PLCL1: variants seen among roughly 807,000 people sequenced by gnomAD.
PLCL1 encodes inactive phospholipase C-like protein 1.
A neutral mutation model predicts 84.4 loss-of-function variants in PLCL1; 41 were observed. The ratio of observed to expected loss-of-function variants is 0.49; its 90% CI spans 0.38 to 0.63. PLCL1 has a LOEUF of 0.63. Among genes scored for constraint, PLCL1 ranks in the 30% least tolerant of loss-of-function variants. The pLI is 0.00. For synonymous variants in PLCL1, 490 were observed against 488.3 expected (o/e 1.00, Z -0.05); for missense variants, 1,206 against 1,367.8 (o/e 0.88, Z 1.87).
intron 1 of PLCL1, among the ~76,000 whole-genome samples, chr2:197,929,864 TAGAG>T (rs1378476588): frequency 1.3e-5 from 2 of 152,184 alleles, no homozygotes; most frequent in Non-Finnish European, 2.9e-5. Flanking sequence ...TATAGAATAA[TAGAG>T]AGAAAAAGAA....
intron 1 of PLCL1, among the ~76,000 whole-genome samples, chr2:197,881,629 G>A (rs547250867): frequency 6.6e-6 from 1 of 152,170 alleles, no homozygotes; most frequent in South Asian, 2.1e-4. Flanking sequence ...TGCTAAGATT[G>A]GGATTTATAA....
chr2:198,122,374 T>C (rs954314620), intron 5 of PLCL1, among the ~76,000 whole-genome samples: 6 of 152,124 alleles, frequency 3.9e-5, no homozygotes, highest in African/African-American at 1.4e-4. Flanking sequence ...TTTCTTAAAA[T>C]CTGGGTAACT....
intron 1 of PLCL1, among the ~76,000 whole-genome samples, chr2:197,814,414 C>T (rs866479460): frequency 1.3e-5 from 2 of 152,046 alleles, no homozygotes; most frequent in Non-Finnish European, 2.9e-5. Flanking sequence ...TATAATACAG[C>T]GAACTTAATT....
chr2:197,829,233 A>T (rs1248568089), intron 1 of PLCL1, among the ~76,000 whole-genome samples: 1 of 152,228 alleles, frequency 6.6e-6, no homozygotes, highest in Non-Finnish European at 1.5e-5. Flanking sequence ...GTAAAGAAAC[A>T]GATTTTTCTA....
At chr2:197,873,573 A>G (rs577844966) in intron 1 of PLCL1, among the ~76,000 whole-genome samples, 2 of 152,292 alleles carry the variant, frequency 1.3e-5, no homozygotes, top group East Asian at 3.9e-4. Context: ...GCACATGCAA[A>G]TAACAGAACC....
intron 1 of PLCL1, among the ~76,000 whole-genome samples, chr2:197,818,390 C>T (rs1347996067): frequency 1.3e-5 from 2 of 152,074 alleles, no homozygotes; most frequent in East Asian, 3.9e-4. Flanking sequence ...AAGGGAATGA[C>T]TGGAAGGGAC....
intron 1 of PLCL1, among the ~76,000 whole-genome samples, chr2:198,069,623 T>A (rs1574287946): frequency 6.6e-6 from 1 of 152,348 alleles, no homozygotes; most frequent in East Asian, 1.9e-4. Context: ...ATTCTGCAGA[T>A]ATTCTCAGGA....
intron 1 of PLCL1, among the ~76,000 whole-genome samples, chr2:198,006,373 G>A (rs114109694): frequency 5.6e-4 from 85 of 152,154 alleles, no homozygotes; most frequent in African/African-American, 2.0e-3. Context: ...GCTAGATTTG[G>A]TAAATGGAAA....
chr2:197,865,113 A>AG (rs1687504540), intron 1 of PLCL1, among the ~76,000 whole-genome samples: 2 of 152,176 alleles, frequency 1.3e-5, no homozygotes, highest in African/African-American at 4.8e-5. Flanking sequence ...GAAGAATCTA[A>AG]GGTACAGCAA....
At chr2:198,097,268 GA>G (rs1693223723) in intron 3 of PLCL1, among the ~76,000 whole-genome samples, 1 of 152,176 alleles carries the variant, frequency 6.6e-6, no homozygotes, top group African/African-American at 2.4e-5. Context: ...TGTGTAAGGG[GA>G]AAATTATCAG....
intron 1 of PLCL1, among the ~76,000 whole-genome samples, chr2:197,874,959 A>G (rs576084707): frequency 2.6e-5 from 4 of 152,168 alleles, no homozygotes; most frequent in African/African-American, 9.7e-5. Flanking sequence ...TCACAGCCAT[A>G]ATACTGAATG....
chr2:197,899,572 A>G (rs1209353502), intron 1 of PLCL1, among the ~76,000 whole-genome samples: 1 of 151,714 alleles, frequency 6.6e-6, no homozygotes, highest in African/African-American at 2.4e-5. Flanking sequence ...CTAACTATCC[A>G]TTGCTATTCC....
In PLCL1 at chr2:197,932,419, A is replaced by G. The variant is rs144088501; in HGVS notation, c.240+127080A>G. Reference sequence around the variant, plus strand: ...TGCAGGACGTGGAGGTTTGTTACATAAGTAAACATGTGCCATGGTGGTATG... The same window carrying G: ...TGCAGGACGTGGAGGTTTGTTACATGAGTAAACATGTGCCATGGTGGTATG... On this transcript the variant is annotated intron_variant, in intron 1 of 5. Transcript: ENST00000428675. Among the ~76,000 whole-genome samples, 82 of 152,240 alleles carry G rather than the reference A, an allele frequency of 5.4e-4. No homozygotes were observed. In the East Asian group the frequency reaches 0.016, roughly 29 times the overall value.
intron 1 of PLCL1, among the ~76,000 whole-genome samples, chr2:198,076,391 T>C (rs1281595202): frequency 2.0e-5 from 3 of 152,262 alleles, no homozygotes; most frequent in African/African-American, 7.2e-5. Context: ...AATCACCTTT[T>C]ATAAATAAAA....
At chr2:197,921,620 C>T (rs932155983) in intron 1 of PLCL1, among the ~76,000 whole-genome samples, 6 of 151,982 alleles carry the variant, frequency 3.9e-5, no homozygotes, top group African/African-American at 1.5e-4. Context: ...CTGTACTTAC[C>T]CACCAAAATC....
chr2:197,830,836 A>C (rs1365888280), intron 1 of PLCL1, among the ~76,000 whole-genome samples: 1 of 152,220 alleles, frequency 6.6e-6, no homozygotes, highest in Non-Finnish European at 1.5e-5. Flanking sequence ...TGCAGAAACC[A>C]TGCAAGCCAG....
intron 1 of PLCL1, among the ~76,000 whole-genome samples, chr2:198,037,344 A>T (rs918872320): frequency 4.6e-5 from 7 of 152,228 alleles, no homozygotes; most frequent in African/African-American, 9.6e-5. Context: ...CTGGGAGAAC[A>T]TTACATACTA....
At chr2:197,935,573 T>G (rs1156952572) in intron 1 of PLCL1, among the ~76,000 whole-genome samples, 1 of 151,996 alleles carries the variant, frequency 6.6e-6, no homozygotes, top group Non-Finnish European at 1.5e-5. Context: ...TGAGAACACA[T>G]GGACACAAAG....
At chr2:198,107,522 G>C (rs770944038) in intron 5 of PLCL1, among the ~76,000 whole-genome samples, 2 of 151,902 alleles carry the variant, frequency 1.3e-5, no homozygotes, top group Non-Finnish European at 2.9e-5. Context: ...ACATACAAAA[G>C]ATGTAAGTCA....
Sources: allele counts gnomAD v4.1 joint callset (sites outside exome capture counted in the v4.1 genomes callset), GRCh38; gene constraint gnomAD v4.1.1; transcripts MANE v1.5; gene names NCBI Gene and HGNC (gene_info 2026-07-23, HGNC 2026-07-21).